Variants in ADGRL3 observed in about 807,000 individuals in gnomAD.
ADGRL3 encodes the protein adhesion G protein-coupled receptor L3, also known as calcium-independent alpha-latrotoxin receptor 3.
Under a neutral mutation model 153.5 loss-of-function variants are expected in ADGRL3, and 62 were observed. The observed-to-expected ratio is 0.40, with a 90% CI of 0.33 to 0.50. The LOEUF (loss-of-function observed/expected upper bound fraction) is 0.50. ADGRL3 is among the 20% of genes least tolerant of loss of function. The probability of loss-of-function intolerance (pLI) is 0.47; values close to 1 mark genes in which losing one functional copy is unlikely to be tolerated. For missense variants in ADGRL3, 1,641 were observed against 1,859.4 expected, an observed-to-expected ratio of 0.88 and a Z score of 2.16; for synonymous variants, 710 against 672.5, an observed-to-expected ratio of 1.06 and a Z score of -0.86.
chr4:61,779,785 T>C (rs1347097359), intron 8 of ADGRL3, among the ~76,000 whole-genome samples: 1 of 152,164 alleles, frequency 6.6e-6, no homozygotes, highest in Non-Finnish European at 1.5e-5. Context: ...TGATTGCCTT[T>C]ATAAAGATGT....
rs572852353 is a variant in ADGRL3 at position 61,596,042 on chromosome 4, G to C, written c.473+8602G>C. Reference sequence around the variant, plus strand: ...GACCACAGCCGGGGAATGGGGAGGGGTGTCAATGGTGATTCAAGACTGCCT... The same window carrying C: ...GACCACAGCCGGGGAATGGGGAGGGCTGTCAATGGTGATTCAAGACTGCCT... On this transcript the variant is annotated intron_variant, in intron 5 of 26. Coordinates refer to ENST00000683033, the MANE Select transcript of ADGRL3 (RefSeq NM_001387552.1). Among the ~76,000 whole-genome samples, 10 of 152,274 alleles carry C rather than the reference G, an allele frequency of 6.6e-5. No homozygotes were observed. The East Asian group carries it at 1.7e-3, about 27-fold the overall frequency.
Position 61,757,877 on chromosome 4 carries a change from T to C in ADGRL3, c.1399+24323T>C, listed in dbSNP as rs543783663. ...TTATTTCTGCCTTCATTTCGTTATG[T>C]ACCCAGTAGTCATTCAGGAGCAGGT... On this transcript the variant is annotated intron_variant, in intron 8 of 26. Transcript: ENST00000683033. Among the ~76,000 whole-genome samples the C allele has an allele frequency of 3.3e-5, 5 of 152,358 alleles. No homozygotes were observed. The East Asian group carries it at 9.6e-4, about 29-fold the overall frequency.
intron 7 of ADGRL3, among the ~76,000 whole-genome samples, chr4:61,732,344 T>C (rs1319474795): frequency 6.6e-6 from 1 of 152,174 alleles, no homozygotes; most frequent in African/African-American, 2.4e-5. Context: ...GTGAATTTCA[T>C]CAGAATGGAA....
At chr4:61,907,374 T>G (rs1560356505) in intron 11 of ADGRL3, among the ~76,000 whole-genome samples, 1 of 151,938 alleles carries the variant, frequency 6.6e-6, no homozygotes, top group Non-Finnish European at 1.5e-5. Context: ...TTTTCCTACC[T>G]CAGTCTCCCA....
chr4:61,312,786 G>A (rs1047944695), intron 1 of ADGRL3, among the ~76,000 whole-genome samples: 3 of 152,134 alleles, frequency 2.0e-5, no homozygotes, highest in Non-Finnish European at 4.4e-5. Context: ...TGGTGAGAAC[G>A]CAAAATGGTA....
intron 21 of ADGRL3, among the ~76,000 whole-genome samples, chr4:62,013,522 A>G (rs1476910432): frequency 1.3e-5 from 2 of 151,838 alleles, no homozygotes; most frequent in East Asian, 1.9e-4. Flanking sequence ...AGCCCGGGCA[A>G]CAAGAGTGAA....
intron 1 of ADGRL3, among the ~76,000 whole-genome samples, chr4:61,206,438 T>G (rs554309008): frequency 6.6e-6 from 1 of 152,326 alleles, no homozygotes; most frequent in African/African-American, 2.4e-5. Context: ...TGGGGAACCC[T>G]GGGGATCTCT....
At chr4:61,743,763 T>G (rs1232583609) in intron 8 of ADGRL3, among the ~76,000 whole-genome samples, 2 of 152,214 alleles carry the variant, frequency 1.3e-5, no homozygotes, top group African/African-American at 4.8e-5. Flanking sequence ...AGCTCCGCTC[T>G]ACAGCTCCCA....
intron 8 of ADGRL3, among the ~76,000 whole-genome samples, chr4:61,764,649 G>A (rs951906127): frequency 2.0e-5 from 3 of 152,136 alleles, no homozygotes; most frequent in African/African-American, 7.2e-5. Context: ...GGGCTTATAG[G>A]TGCAGGTCAC....
In ADGRL3 at chr4:61,465,800, C is replaced by T. The variant is rs953492733; in HGVS notation, c.-173-31321C>T. Among the ~76,000 whole-genome samples the T allele has an allele frequency of 1.1e-3, 127 of 113,958 alleles. 1 individual carries two copies. Among genetic ancestry groups the T allele is most frequent in the African/African-American group, 3.5e-3 (121 of 34,586 alleles). 74.8% of individuals were successfully genotyped at this position (113,958 alleles called of 152,430 possible). ...ATATCTTATATGGAATATATATTTT[C>T]GTTATATAATCATAACAAAATAAAA... is the stretch of plus-strand genomic sequence containing the variant. On this transcript the variant is annotated intron_variant, in intron 2 of 26. Coordinates refer to ENST00000683033, the MANE Select transcript of ADGRL3 (RefSeq NM_001387552.1).
intron 2 of ADGRL3, among the ~76,000 whole-genome samples, chr4:61,447,136 T>A (rs544156034): frequency 6.6e-6 from 1 of 152,182 alleles, no homozygotes; most frequent in South Asian, 2.1e-4. Context: ...TGTTTTCTAA[T>A]CTTCTCATAA....
intron 13 of ADGRL3, among the ~76,000 whole-genome samples, chr4:61,914,982 G>A (rs1044602515): frequency 6.6e-6 from 1 of 151,896 alleles, no homozygotes; most frequent in Non-Finnish European, 1.5e-5. Context: ...AAAAACCAGA[G>A]TGAAAAAAAT....
intron 2 of ADGRL3, among the ~76,000 whole-genome samples, chr4:61,409,763 A>G (rs2097060749): frequency 6.6e-6 from 1 of 152,024 alleles, no homozygotes; most frequent in African/African-American, 2.4e-5. Flanking sequence ...AAAATTGACA[A>G]TGATTTGATT....
intron 21 of ADGRL3, among the ~76,000 whole-genome samples, chr4:62,005,983 C>T (rs2099156361): frequency 1.2e-5 from 1 of 82,782 alleles, no homozygotes; most frequent in African/African-American, 4.3e-5. Flanking sequence ...CACACACACA[C>T]ACACACACAC....
intron 1 of ADGRL3, among the ~76,000 whole-genome samples, chr4:61,337,719 C>A (rs1279143017): frequency 1.3e-5 from 2 of 152,106 alleles, no homozygotes; most frequent in Non-Finnish European, 2.9e-5. Flanking sequence ...TCTTTTTTAA[C>A]TGATGTACTT....
rs377028908 is a variant in ADGRL3, at chr4:61,728,464, A to T, written c.584-2158A>T. On this transcript the variant is annotated intron_variant, in intron 6 of 26. Coordinates refer to ENST00000683033, the MANE Select transcript of ADGRL3 (RefSeq NM_001387552.1). ...GGATAATATTTGAAGAATATAACAG[A>T]TACCTTTGCCAATACTTTTTTGTTA... Among the ~76,000 whole-genome samples the T allele has an allele frequency of 5.3e-5, 8 of 152,216 alleles. No individual in the cohort carries two copies. In the South Asian group the frequency reaches 1.0e-3, roughly 20 times the overall value.
chr4:61,295,844 G>A (rs1414270865), intron 1 of ADGRL3, among the ~76,000 whole-genome samples: 1 of 151,580 alleles, frequency 6.6e-6, no homozygotes, highest in African/African-American at 2.4e-5. Context: ...GTGGTGGCAT[G>A]TGCCTATTGT....
At chr4:61,823,113 C>A (rs557138125) in intron 9 of ADGRL3, among the ~76,000 whole-genome samples, 16 of 152,296 alleles carry the variant, frequency 1.1e-4, no homozygotes, top group African/African-American at 3.4e-4. Context: ...AAATCCCATG[C>A]GGAGATTCCT....
At chr4:61,325,458 C>T (rs969287308) in intron 1 of ADGRL3, among the ~76,000 whole-genome samples, 14 of 152,160 alleles carry the variant, frequency 9.2e-5, no homozygotes, top group Non-Finnish European at 1.5e-4. Context: ...TTCAAAATAT[C>T]AGCAAGTGGA....
Sources: gnomAD v4.1 joint callset for allele counts (sites outside exome capture counted in the v4.1 genomes callset) on GRCh38, gnomAD v4.1.1 for gene constraint, MANE v1.5 for transcripts, NCBI Gene and HGNC (gene_info 2026-07-23, HGNC 2026-07-21) for gene names.